PAPSS2: variants seen among roughly 807,000 people sequenced by gnomAD.
PAPSS2 encodes 3'-phosphoadenosine 5'-phosphosulfate synthase 2.
PAPSS2 carries 61 observed loss-of-function variants against 66.5 expected under a neutral mutation model. The observed-to-expected ratio is 0.92, with a 90% CI of 0.75 to 1.14. The LOEUF (loss-of-function observed/expected upper bound fraction) is 1.14, where lower values mean the gene tolerates loss of function less well. Ranked by LOEUF, PAPSS2 falls within the 50% of genes most tolerant of loss-of-function variation. The pLI, the probability that PAPSS2 is intolerant of heterozygous loss-of-function variation, is 0.00. For missense variants in PAPSS2, 708 were observed against 789.6 expected, an observed-to-expected ratio of 0.90 and a Z score of 1.24; for synonymous variants, 289 against 287.5, an observed-to-expected ratio of 1.01 and a Z score of -0.05.
intron 1 of PAPSS2, 71 bp downstream of exon 1, chr10:87,660,079 C>G: frequency 6.7e-7 from 1 of 1,494,800 alleles, no homozygotes; most frequent in East Asian, 2.4e-5. Context: ...CCCCAATTCC[C>G]CGGCACTTGG....
At chr10:87,701,038 G>A (rs993892445) in intron 1 of PAPSS2, among the ~76,000 whole-genome samples, 48 of 151,612 alleles carry the variant, frequency 3.2e-4, no homozygotes, top group Admixed American at 1.7e-3. Flanking sequence ...ACCAACAACA[G>A]GAATATTTCT....
intron 7 of PAPSS2, among the ~76,000 whole-genome samples, chr10:87,716,273 C>T (rs187193424): frequency 1.0e-3 from 153 of 152,306 alleles, no homozygotes; most frequent in African/African-American, 3.5e-3. Context: ...ATTGCAACAA[C>T]TGCTTTCTTT....
chr10:87,714,408 A>C (rs1853506460), intron 4 of PAPSS2, among the ~76,000 whole-genome samples: 1 of 152,216 alleles, frequency 6.6e-6, no homozygotes, highest in African/African-American at 2.4e-5. Context: ...AATAACGTTC[A>C]GAGAACTAGA....
At chr10:87,676,067 T>TTAAAC (rs1244964993) in intron 1 of PAPSS2, among the ~76,000 whole-genome samples, 1 of 150,918 alleles carries the variant, frequency 6.6e-6, no homozygotes, top group Non-Finnish European at 1.5e-5. Flanking sequence ...TAAAATTAAA[T>TTAAAC]ATTCCATGAG....
chr10:87,685,766 T>G (rs948141627), intron 1 of PAPSS2, among the ~76,000 whole-genome samples: 1 of 152,150 alleles, frequency 6.6e-6, no homozygotes, highest in African/African-American at 2.4e-5. Flanking sequence ...CAGATTTACA[T>G]GAAAAGGAAA....
intron 1 of PAPSS2, among the ~76,000 whole-genome samples, chr10:87,692,939 TG>T (rs1853189296): frequency 6.6e-6 from 1 of 152,248 alleles, no homozygotes; most frequent in African/African-American, 2.4e-5. Flanking sequence ...GATTAGGCAC[TG>T]TTTTAAACAC....
At chr10:87,680,959 G>A (rs1424174607) in intron 1 of PAPSS2, among the ~76,000 whole-genome samples, 1 of 152,188 alleles carries the variant, frequency 6.6e-6, no homozygotes, top group African/African-American at 2.4e-5. Context: ...CTGCTATATA[G>A]TGTATTCCAC....
At chr10:87,743,768 C>CT (rs1436201902) in intron 11 of PAPSS2, 127 bp downstream of exon 11, 1 of 1,120,338 alleles carries the variant, frequency 8.9e-7, no homozygotes, top group East Asian at 2.4e-5. Flanking sequence ...GTTCTGGTGT[C>CT]TCTTCTTTAT....
chr10:87,741,809 T>G (rs1171696067), intron 10 of PAPSS2, among the ~76,000 whole-genome samples: 3 of 152,188 alleles, frequency 2.0e-5, no homozygotes, highest in Non-Finnish European at 4.4e-5. Context: ...CAGGCTGGAG[T>G]GCAGTGGCAT....
intron 1 of PAPSS2, among the ~76,000 whole-genome samples, chr10:87,692,029 C>A (rs905564060): frequency 2.1e-4 from 32 of 152,170 alleles, no homozygotes; most frequent in Non-Finnish European, 1.2e-4. Flanking sequence ...AGTTCAAAGG[C>A]TGTCAGGAAG....
At position 87,741,365 on chromosome 10, in the gene PAPSS2, A is replaced by G; in HGVS notation, c.1217A>G (p.Asn406Ser). Reference sequence around the variant, plus strand: ...CTCAAACAGAAATGTAAAGAAATGAATGCTGGTATGTAAACTGTTCTTAGT... The same window carrying G: ...CTCAAACAGAAATGTAAAGAAATGAGTGCTGGTATGTAAACTGTTCTTAGT... ...LELKQKCKEM[N>S]ADAVFAFQLR... Residue 406 changes from asparagine (N) to serine (S), a missense_variant, in exon 10 of 13, where the codon AAT becomes AGT. Asn to Ser is a conservative substitution (Grantham distance 46). Transcript: ENST00000456849. 6.2e-7 allele frequency: 1 copy of G among 1,611,410 alleles called. No homozygotes were observed. The highest frequency in any genetic ancestry group is 8.5e-7 in the Non-Finnish European group (1 of 1,177,556).
intron 1 of PAPSS2, among the ~76,000 whole-genome samples, chr10:87,676,276 T>C (rs918954062): frequency 2.6e-5 from 4 of 152,136 alleles, no homozygotes; most frequent in African/African-American, 9.7e-5. Context: ...AGCTTGTAAT[T>C]CTCTAGAGTG....
intron 1 of PAPSS2, among the ~76,000 whole-genome samples, chr10:87,682,990 T>C (rs1251204176): frequency 6.6e-6 from 1 of 152,226 alleles, no homozygotes; most frequent in Non-Finnish European, 1.5e-5. Context: ...CCAAGTTGTG[T>C]AGCTTCTCAC....
intron 8 of PAPSS2, among the ~76,000 whole-genome samples, chr10:87,723,557 T>C (rs1853622301): frequency 6.6e-6 from 1 of 152,224 alleles, no homozygotes; most frequent in African/African-American, 2.4e-5. Flanking sequence ...AACAAAGAGT[T>C]ATTTGAATGA....
At chr10:87,694,791 G>A (rs919708446) in intron 1 of PAPSS2, among the ~76,000 whole-genome samples, 1 of 152,192 alleles carries the variant, frequency 6.6e-6, no homozygotes, top group Non-Finnish European at 1.5e-5. Flanking sequence ...TAACCTGATT[G>A]TCAACTGGAA....
intron 10 of PAPSS2, 105 bp from the exon 11 acceptor site, chr10:87,743,268 T>C: frequency 2.7e-6 from 3 of 1,120,024 alleles, no homozygotes; most frequent in Non-Finnish European, 4.0e-6. Context: ...AGCCAGTGGA[T>C]AATGAATGCA....
intron 9 of PAPSS2, among the ~76,000 whole-genome samples, chr10:87,734,775 A>G (rs1853777118): frequency 2.1e-5 from 3 of 143,542 alleles, no homozygotes; most frequent in South Asian, 4.4e-4. Flanking sequence ...CCCTTTCATC[A>G]TGACCTTATC....
Position 87,714,104 on chromosome 10 carries a change from G to A in PAPSS2, c.442G>A (p.Val148Ile). The stretch of plus-strand genomic sequence containing the variant: ...AGGGCTGCCATTCTTTGAAATATTT[G>A]TAGATGCACCTCTAAATATTTGTGA... ...SAGLPFFEIF[V>I]DAPLNICESR... Residue 148 changes from valine to isoleucine, a missense_variant, in exon 4 of 13, where the codon GTA (valine) becomes ATA (isoleucine). Physicochemically the swap from Val to Ile is conservative, Grantham distance 29 (BLOSUM62 3). Transcript: ENST00000456849. The A allele has an allele frequency of 6.8e-6, 11 of 1,613,666 alleles. No individual in the cohort carries two copies. Among genetic ancestry groups the A allele is most frequent in the Non-Finnish European group, 9.3e-6 (11 of 1,179,608 alleles).
intron 1 of PAPSS2, among the ~76,000 whole-genome samples, chr10:87,669,642 GTGT>G (rs1391773791): frequency 1.3e-5 from 2 of 152,236 alleles, no homozygotes; most frequent in Middle Eastern, 3.2e-3. Context: ...TTTAGAGCAT[GTGT>G]TGTTAGAAAA....
Sources: gnomAD v4.1 joint callset for allele counts (sites outside exome capture counted in the v4.1 genomes callset) on GRCh38, gnomAD v4.1.1 for gene constraint, MANE v1.5 for transcripts, NCBI Gene and HGNC (gene_info 2026-07-23, HGNC 2026-07-21) for gene names.